PLEC: variants seen among roughly 807,000 people sequenced by gnomAD.
The protein encoded by PLEC is plectin.
A neutral mutation model predicts 392.8 loss-of-function variants in PLEC; 216 were observed. The observed-to-expected ratio is 0.55, with a 90% CI of 0.49 to 0.62. The LOEUF (loss-of-function observed/expected upper bound fraction) is 0.62. Ranked by LOEUF, PLEC falls within the 20% of genes least tolerant of loss-of-function variation. The pLI is 0.00. For missense variants in PLEC, 6,863 were observed against 6,563.4 expected (o/e 1.05, Z -1.58); for synonymous variants, 3,621 against 2,980.6 (o/e 1.21, Z -7.00).
chr8:143,971,009 G>C (rs1473990305), intron 1 of PLEC, among the ~76,000 whole-genome samples: 1 of 152,242 alleles, frequency 6.6e-6, no homozygotes, highest in African/African-American at 2.4e-5. Flanking sequence ...GGGAGAATGG[G>C]GGGGCTGAGG....
rs137899542 is a variant in PLEC at position 143,964,444 on chromosome 8, C to G, written c.70+8959G>C. ...AGAGAAGCCACAGGGGAGAGGGCCA[C>G]GGGAGGATGGAGGCCGACACTGGAG... On this transcript the variant is annotated intron_variant, in intron 1 of 31. Transcript: ENST00000356346. 4.9e-4 allele frequency among the ~76,000 whole-genome samples: 74 copies of G among 152,194 alleles called. 3 individuals carry two copies. The East Asian group carries it at 0.013, about 26-fold the overall frequency.
upstream of PLEC, chr8:143,942,285 G>T: frequency 7.3e-7 from 1 of 1,377,312 alleles, no homozygotes; most frequent in African/African-American, 1.4e-5. Flanking sequence ...GGGCCAAGGC[G>T]CCACCCCCAT....
chr8:143,973,376 G>T lies in PLEC; in HGVS notation c.70+27C>A. On this transcript the variant is annotated intron_variant, in intron 1 of 31. Transcript: ENST00000356346. The surrounding 1 kb of genome is among the most constrained non-coding windows in gnomAD (Gnocchi z 5.6). Reference sequence around the variant, plus strand: ...GCGGCTGGGCTGTCAGGAGCGGCCCGACAGGCAGCGGGACGGGGGGCCGTA... The same window carrying T: ...GCGGCTGGGCTGTCAGGAGCGGCCCTACAGGCAGCGGGACGGGGGGCCGTA... 6.4e-7 allele frequency: 1 copy of T among 1,557,380 alleles called. No homozygotes were observed. Among genetic ancestry groups the T allele is most frequent in the Non-Finnish European group, 8.7e-7 (1 of 1,151,688 alleles).
At chr8:143,953,640 G>T, upstream of PLEC, 2 of 1,427,844 alleles carry the variant, frequency 1.4e-6, no homozygotes, top group Non-Finnish European at 1.9e-6. Flanking sequence ...GGCAGACCCT[G>T]CCCGCCACCC....
In PLEC at chr8:143,930,445, G is replaced by A. The variant is rs1554713863; in HGVS notation, c.2396C>T (p.Pro799Leu). ...CAGGCGGCCCCGCATGGGGTGGGCT[G>A]GGTGGCGGGGCTTCAGCTGCACGAC... is the stretch of plus-strand genomic sequence containing the variant. The part of the protein sequence containing the change: ...KAVVQLKPRH[P>L]AHPMRGRLPL... The change falls in exon 20 of 32, where the codon CCA becomes CTA. Residue 799 changes from proline (P) to leucine (L), a missense_variant. Transcript: ENST00000345136. 3 of 1,577,392 alleles carry A rather than the reference G, an allele frequency of 1.9e-6. No homozygotes were observed. Among genetic ancestry groups the A allele is most frequent in the Non-Finnish European group, 2.6e-6 (3 of 1,162,488 alleles).
Position 143,924,423 on chromosome 8 carries a change from C to T in PLEC, c.5506G>A (p.Ala1836Thr). Reference protein sequence around the residue: ...RQRAEAERVLAEKLAAIGEAT... With the variant: ...RQRAEAERVLTEKLAAIGEAT... ...TCGCCGATGGCGGCCAGCTTCTCCGCAAGCACCCGCTCCGCCTCGGCCCGC... is the reference window on the plus strand; with the variant it reads ...TCGCCGATGGCGGCCAGCTTCTCCGTAAGCACCCGCTCCGCCTCGGCCCGC... Residue 1836 changes from alanine (A) to threonine (T), a missense_variant, in exon 31 of 32, where the codon GCG becomes ACG. Transcript: ENST00000345136. 2 of 1,590,162 alleles carry T rather than the reference C, an allele frequency of 1.3e-6. No homozygotes were observed. The highest frequency in any genetic ancestry group is 1.1e-5 in the South Asian group (1 of 90,198).
exon 1 of PLEC, chr8:143,950,592 G>A: frequency 6.2e-7 from 1 of 1,607,834 alleles, no homozygotes; most frequent in African/African-American, 1.3e-5. Context: ...CCGGGCACAT[G>A]GGGGTGCAAG....
At position 143,933,008 on chromosome 8, in the gene PLEC, G is replaced by C. The variant is rs782626894; in HGVS notation, c.1522C>G (p.Leu508Val). Residue 508 changes from leucine to valine, a missense_variant, in exon 14 of 32, where the codon CTG (leucine) becomes GTG (valine). Coordinates refer to ENST00000345136, the MANE Select transcript of PLEC (RefSeq NM_201384.3). ...TCGGGGCGCCTCTGCACACTCTGCA[G>C]AGTCACCTGGGCCACCTGGGTTGCA... ...APATQVAQVT[L>V]QSVQRRPELE... 3.1e-6 allele frequency: 5 copies of C among 1,606,636 alleles called. No individual in the cohort carries two copies. The highest frequency in any genetic ancestry group is 2.3e-5 in the East Asian group (1 of 44,398).
upstream of PLEC, chr8:143,942,624 C>T: frequency 7.9e-7 from 1 of 1,259,664 alleles, no homozygotes; most frequent in Non-Finnish European, 1.1e-6. Context: ...CTTCGCTCTC[C>T]ACCTCTTCCA....
Position 143,924,815 on chromosome 8 carries a change from G to A in PLEC, c.5114C>T (p.Ala1705Val), listed in dbSNP as rs781835502. 17 of 1,540,876 alleles carry A rather than the reference G, an allele frequency of 1.1e-5. No homozygotes were observed. The highest frequency in any genetic ancestry group is 3.8e-5 in the Admixed American group (2 of 51,982). The change falls in exon 31 of 32, where the codon GCG becomes GTG. Residue 1705 changes from alanine (A) to valine (V), a missense_variant. Coordinates refer to ENST00000345136, the MANE Select transcript of PLEC (RefSeq NM_201384.3). ...CTGCTCCGCGGCCAGGCGCTGCTGC[G>A]CGGTGCCTTCCGCCAGCTGCCGCTG... ...EKQRQLAEGT[A>V]QQRLAAEQEL...
intron 1 of PLEC, among the ~76,000 whole-genome samples, chr8:143,960,905 G>C (rs1587399106): frequency 6.6e-6 from 1 of 152,204 alleles, no homozygotes; most frequent in Admixed American, 6.5e-5. Flanking sequence ...AAATCTTCCG[G>C]GCACCATTCT....
In PLEC at chr8:143,933,261, G is replaced by C. The variant is rs1266909152; in HGVS notation, c.1354C>G (p.Leu452Val). The change falls in exon 13 of 32, where the codon CTC (leucine) becomes GTC (valine). Residue 452 changes from leucine to valine, a missense_variant. Coordinates refer to ENST00000345136, the MANE Select transcript of PLEC (RefSeq NM_201384.3). The part of the protein sequence containing the change: ...LDKADSMIRL[L>V]FNDVQTLKDG... The stretch of plus-strand genomic sequence containing the variant: ...TTGAGGGTCTGCACGTCGTTGAAGA[G>C]CAGCCGGATCATGCTATCCGCCTTG... The C allele has an allele frequency of 6.2e-7, 1 of 1,613,188 alleles. No homozygotes were observed. The highest frequency in any genetic ancestry group is 8.5e-7 in the Non-Finnish European group (1 of 1,179,976).
Position 143,924,643 on chromosome 8 carries a change from G to A in PLEC, c.5286C>T (p.Ala1762=), listed in dbSNP as rs533922847. 102 of 1,537,732 alleles carry A rather than the reference G, an allele frequency of 6.6e-5. No individual in the cohort carries two copies. The highest frequency in any genetic ancestry group is 6.6e-4 in the African/African-American group (48 of 73,162). Residue 1762 remains alanine (A), a synonymous_variant, in exon 31 of 32, where the codon GCC becomes GCT. Transcript: ENST00000345136. The part of the protein sequence containing the change: ...ELEAELAKVR[A]EMEVLLASKA... ...TGCTGGCCAGCAGCACCTCCATCTCGGCCCGCACCTTGGCCAGCTCGGCTT... is the reference window on the plus strand; with the variant it reads ...TGCTGGCCAGCAGCACCTCCATCTCAGCCCGCACCTTGGCCAGCTCGGCTT...
intron 1 of PLEC, among the ~76,000 whole-genome samples, chr8:143,968,149 A>AG (rs1202135343): frequency 6.6e-6 from 1 of 152,090 alleles, no homozygotes; most frequent in Non-Finnish European, 1.5e-5. Context: ...AAAAAAAAAA[A>AG]AGGAAGAAAA....
In PLEC at chr8:143,918,506, C is replaced by G. The variant is rs373965625; in HGVS notation, c.11315G>C (p.Arg3772Pro). 6.2e-7 allele frequency: 1 copy of G among 1,604,786 alleles called. No homozygotes were observed. Among genetic ancestry groups the G allele is most frequent in the Non-Finnish European group, 8.5e-7 (1 of 1,176,968 alleles). Residue 3772 changes from arginine (R) to proline (P), a missense_variant, in exon 32 of 32, where the codon CGT becomes CCT. Arg to Pro is a moderately radical substitution (Grantham distance 103). Transcript: ENST00000345136. ...LSAERAVTGY[R>P]DPYTEQTISL... Reference sequence around the variant, plus strand: ...GATGGTCTGCTCGGTGTAGGGGTCACGGTAGCCGGTGACCGCCCGCTCAGC... The same window carrying G: ...GATGGTCTGCTCGGTGTAGGGGTCAGGGTAGCCGGTGACCGCCCGCTCAGC...
upstream of PLEC, chr8:143,975,129 C>A (rs1554745580): frequency 6.3e-7 from 1 of 1,579,876 alleles, no homozygotes; most frequent in Admixed American, 1.7e-5. This position sits in a 1 kb window ranked among gnomAD's most constrained non-coding sequence, Gnocchi z 9.9. Context: ...GGAACTCAGT[C>A]AACCTCGCGT....
chr8:143,933,136 G>A lies in PLEC; in HGVS notation c.1419-25C>T, dbSNP rs367910582. On this transcript the variant is annotated intron_variant, in intron 13 of 31. Coordinates refer to ENST00000345136, the MANE Select transcript of PLEC (RefSeq NM_201384.3). ...CCTGGGGCAGCAGAGGACTCAGGTAGGTGTTGGCGGGCCTGGGGCCGTGTG... is the reference window on the plus strand; with the variant it reads ...CCTGGGGCAGCAGAGGACTCAGGTAAGTGTTGGCGGGCCTGGGGCCGTGTG... 3.7e-4 allele frequency: 593 copies of A among 1,604,128 alleles called. 1 individual carries two copies. The highest frequency in any genetic ancestry group is 5.4e-4 in the East Asian group (24 of 44,652).
At position 143,929,638 on chromosome 8, in the gene PLEC, T is replaced by C; in HGVS notation, c.2923+8A>G. On this transcript the variant is annotated splice_region_variant and intron_variant, in intron 23 of 31. Coordinates refer to ENST00000345136, the MANE Select transcript of PLEC (RefSeq NM_201384.3). ...CAGCCCAACCGCCCCAGCCCTGCCG[T>C]GCCCTACCCTGTTCCAGGCTCTGCA... The C allele has an allele frequency of 1.2e-6, 2 of 1,606,664 alleles. No individual in the cohort carries two copies. Among genetic ancestry groups the C allele is most frequent in the Non-Finnish European group, 1.7e-6 (2 of 1,179,766 alleles).
rs751469179 is a variant in PLEC at position 143,923,484 on chromosome 8, G to A, written c.6445C>T (p.Arg2149Trp). Residue 2149 changes from arginine (R) to tryptophan (W), a missense_variant, in exon 31 of 32, where the codon CGG becomes TGG. Transcript: ENST00000345136. ...RKEAEQEAARRAQAEQAALRQ... is the reference protein window; with the variant it reads ...RKEAEQEAARWAQAEQAALRQ... ...AGGGCCGCCTGCTCCGCCTGTGCCC[G>A]CCGCGCCGCCTCTTGCTCGGCCTCC... The A allele has an allele frequency of 3.4e-5, 54 of 1,601,120 alleles. No individual in the cohort carries two copies. The highest frequency in any genetic ancestry group is 3.9e-5 in the Non-Finnish European group (46 of 1,175,568).
Sources: allele counts gnomAD v4.1 joint callset (sites outside exome capture counted in the v4.1 genomes callset), GRCh38; gene constraint gnomAD v4.1.1; non-coding constraint Gnocchi (gnomAD v3.1); transcripts MANE v1.5; gene names NCBI Gene and HGNC (gene_info 2026-07-23, HGNC 2026-07-21).